Variants in LAP3 observed in about 807,000 individuals in gnomAD.
LAP3 encodes leucine aminopeptidase 3.
Under a neutral mutation model 58.8 loss-of-function variants are expected in LAP3, and 46 were observed. The ratio of observed to expected loss-of-function variants is 0.78; its 90% CI spans 0.62 to 1.00. The LOEUF is 1.00. LAP3 is among the 50% of genes least tolerant of loss of function. LAP3 has a pLI of 0.00. For missense variants in LAP3, 615 were observed against 659.1 expected (o/e 0.93, Z 0.73); for synonymous variants, 257 against 237.7 (o/e 1.08, Z -0.75).
At chr4:17,591,796 A>T (rs1349988821) in intron 7 of LAP3, among the ~76,000 whole-genome samples, 3 of 152,198 alleles carry the variant, frequency 2.0e-5, no homozygotes, top group Non-Finnish European at 2.9e-5. Flanking sequence ...ATACGGCTAG[A>T]GAGGTACACA....
At chr4:17,604,811 A>T in intron 11 of LAP3, 144 bp downstream of exon 11, 1 of 669,654 alleles carries the variant, frequency 1.5e-6, no homozygotes, top group Non-Finnish European at 2.6e-6. Flanking sequence ...CCACAGCAAT[A>T]GATTGAGTTC....
chr4:17,585,436 T>TA (rs143258213), intron 6 of LAP3: 1 of 25,960 alleles, frequency 3.9e-5, no homozygotes, highest in African/African-American at 8.1e-5. Context: ...AATTCAGTGA[T>TA]TTTTTTTTTT....
intron 11 of LAP3, 145 bp downstream of exon 11, chr4:17,604,812 G>A: frequency 1.5e-6 from 1 of 666,772 alleles, no homozygotes; most frequent in South Asian, 1.8e-5. Context: ...CACAGCAATA[G>A]ATTGAGTTCA....
intron 10 of LAP3, among the ~76,000 whole-genome samples, chr4:17,603,074 G>A (rs1029452171): frequency 2.2e-4 from 33 of 151,526 alleles, no homozygotes; most frequent in Admixed American, 9.2e-4. Flanking sequence ...TTGGGAGGCC[G>A]AGGTGGGTGG....
intron 4 of LAP3, among the ~76,000 whole-genome samples, chr4:17,583,231 G>A (rs903330791): frequency 3.9e-5 from 6 of 152,160 alleles, no homozygotes; most frequent in African/African-American, 9.7e-5. Context: ...GAGCCTGTAC[G>A]GCTCTGGGAG....
intron 6 of LAP3, among the ~76,000 whole-genome samples, chr4:17,586,687 G>A (rs533900779): frequency 6.6e-6 from 1 of 152,294 alleles, no homozygotes; most frequent in African/African-American, 2.4e-5. Context: ...CTGCTGGTGC[G>A]ATTGTGCACA....
intron 7 of LAP3, among the ~76,000 whole-genome samples, chr4:17,593,515 C>G (rs968703546): frequency 4.0e-5 from 4 of 99,860 alleles, no homozygotes; most frequent in African/African-American, 1.0e-4. Flanking sequence ...GGCTTGAAAT[C>G]TAGTCACATG....
chr4:17,606,997 A>ATTGCCAAAATAGCTG, intron 12 of LAP3, 59 bp downstream of exon 12: 1 of 1,089,072 alleles, frequency 9.2e-7, no homozygotes, highest in Non-Finnish European at 1.4e-6. Context: ...CAAAATAGCT[A>ATTGCCAAAATAGCTG]TTTTCAATTT....
rs916082174 is a variant in LAP3, at chr4:17,607,937, T to G, written c.*348T>G. On this transcript the variant is annotated 3_prime_UTR_variant, in exon 13 of 13. Transcript: ENST00000226299. Reference sequence around the variant, plus strand: ...GAGCAAACTGAAAATTACTATGCACTTGTCAGAAACAATAAATGCAACTTG... The same window carrying G: ...GAGCAAACTGAAAATTACTATGCACGTGTCAGAAACAATAAATGCAACTTG... 105 of 178,604 alleles carry G rather than the reference T, an allele frequency of 5.9e-4. 4 individuals are homozygous for G. The highest frequency in any genetic ancestry group is 1.7e-4 in the Non-Finnish European group (14 of 84,322). 11.1% of individuals were successfully genotyped at this position (178,604 alleles called of 1,614,324 possible).
In LAP3 at chr4:17,597,098, G is replaced by A. The variant is rs771415205; in HGVS notation, c.1041G>A (p.Gly347=). The part of the protein sequence containing the change: ...NMPSGKANKP[G]DVVRAKNGKT... ...CCAGCGGCAAGGCCAACAAGCCGGG[G>A]GATGTTGTTAGAGCCAAAAACGGGA... is the stretch of plus-strand genomic sequence containing the variant. The change falls in exon 9 of 13, where the codon GGG becomes GGA. Residue 347 remains glycine (G), a synonymous_variant. Transcript: ENST00000226299. The A allele has an allele frequency of 6.8e-6, 11 of 1,614,136 alleles. No individual in the cohort carries two copies. The highest frequency in any genetic ancestry group is 5.0e-5 in the Admixed American group (3 of 60,002).
chr4:17,606,291 C>T lies in LAP3; in HGVS notation c.1261-538C>T, dbSNP rs958763946. On this transcript the variant is annotated intron_variant, in intron 11 of 12. Transcript: ENST00000226299. ...TTGATGATTTTAGCAAAATGCCCTA[C>T]AGATTTGTGAAATTGCTTCACAGCA... 5.3e-5 allele frequency among the ~76,000 whole-genome samples: 8 copies of T among 152,196 alleles called. No individual in the cohort carries two copies. In the East Asian group the frequency reaches 7.7e-4, roughly 15 times the overall value.
Position 17,606,893 on chromosome 4 carries a change from T to C in LAP3, c.1325T>C (p.Val442Ala). The change falls in exon 12 of 13, where the codon GTT becomes GCT. Residue 442 changes from valine to alanine, a missense_variant. Val to Ala is a moderately conservative substitution (Grantham distance 64). Transcript: ENST00000226299. ...MPLFEHYTRQ[V>A]VDCQLADVNN... ...CTCTTCGAACATTATACAAGACAGGTTGTAGATTGCCAGCTTGCTGATGTT... is the reference window on the plus strand; with the variant it reads ...CTCTTCGAACATTATACAAGACAGGCTGTAGATTGCCAGCTTGCTGATGTT... The C allele has an allele frequency of 6.2e-7, 1 of 1,613,522 alleles. No individual in the cohort carries two copies. The highest frequency in any genetic ancestry group is 8.5e-7 in the Non-Finnish European group (1 of 1,179,848).
chr4:17,580,723 T>A lies in LAP3; in HGVS notation c.218+784T>A, dbSNP rs900262917. On this transcript the variant is annotated intron_variant, in intron 2 of 12. Transcript: ENST00000226299. ...CTGAAGTTTCAAGGGCTTCTCAAAATTTAAAATATCTGTGAATCACCTGAG... is the reference window on the plus strand; with the variant it reads ...CTGAAGTTTCAAGGGCTTCTCAAAAATTAAAATATCTGTGAATCACCTGAG... Among the ~76,000 whole-genome samples, 5 of 152,162 alleles carry A rather than the reference T, an allele frequency of 3.3e-5. No homozygotes were observed. The South Asian group carries it at 1.0e-3, about 32-fold the overall frequency.
chr4:17,582,023 G>T, intron 3 of LAP3: 1 of 593,300 alleles, frequency 1.7e-6, no homozygotes, highest in Non-Finnish European at 3.0e-6. Flanking sequence ...TTCTTTATCC[G>T]GTTGTGGCTC....
chr4:17,578,453 G>A (rs2109016672), intron 1 of LAP3, among the ~76,000 whole-genome samples: 1 of 152,310 alleles, frequency 6.6e-6, no homozygotes, highest in East Asian at 1.9e-4. Flanking sequence ...TGGTGGAAAA[G>A]ACCGAGAGGG....
At chr4:17,578,535 T>C (rs1253052217) in intron 1 of LAP3, among the ~76,000 whole-genome samples, 4 of 92,954 alleles carry the variant, frequency 4.3e-5, no homozygotes, top group Non-Finnish European at 9.8e-5. Context: ...GGATTCTCAC[T>C]CAGTCCTACC....
chr4:17,591,600 A>G (rs1290417434), intron 7 of LAP3, among the ~76,000 whole-genome samples: 2 of 152,216 alleles, frequency 1.3e-5, no homozygotes, highest in Non-Finnish European at 1.5e-5. Flanking sequence ...TCCTTGCAGG[A>G]GTGTCAGTTT....
Position 17,590,732 on chromosome 4 carries a change from C to G in LAP3, c.863+1755C>G, listed in dbSNP as rs546680977. 1.0e-3 allele frequency among the ~76,000 whole-genome samples: 158 copies of G among 151,322 alleles called. 1 individual carries two copies. Among genetic ancestry groups the G allele is most frequent in the Non-Finnish European group, 1.2e-3 (79 of 67,844 alleles). On this transcript the variant is annotated intron_variant, in intron 7 of 12. Transcript: ENST00000226299. ...GACTACAGGCCCCCGCCACCATGCC[C>G]GGCTAATTTTTTGTAGTTTTAGTAG...
At chr4:17,591,550 A>C (rs1713690140) in intron 7 of LAP3, among the ~76,000 whole-genome samples, 1 of 152,222 alleles carries the variant, frequency 6.6e-6, no homozygotes, top group South Asian at 2.1e-4. Flanking sequence ...AAAAACAAAG[A>C]GGCCTAAACC....
Sources: allele counts gnomAD v4.1 joint callset (sites outside exome capture counted in the v4.1 genomes callset), GRCh38; gene constraint gnomAD v4.1.1; transcripts MANE v1.5; gene names NCBI Gene and HGNC (gene_info 2026-07-23, HGNC 2026-07-21).